ALG5: variants seen among roughly 807,000 people sequenced by gnomAD.
ALG5 encodes the protein ALG5 dolichyl-phosphate beta-glucosyltransferase.
In ALG5, 26 loss-of-function variants were observed where a neutral mutation model predicts 51.8. The ratio of observed to expected loss-of-function variants is 0.50; its 90% CI spans 0.37 to 0.70. ALG5 has a LOEUF of 0.70. ALG5 is among the 30% of genes least tolerant of loss of function. The pLI is 0.00. For missense variants in ALG5, 311 were observed against 399.3 expected, an observed-to-expected ratio of 0.78 and a Z score of 1.88; for synonymous variants, 141 against 136.1, an observed-to-expected ratio of 1.04 and a Z score of -0.25.
Position 36,952,586 on chromosome 13 carries a change from C to G in ALG5, c.787G>C (p.Glu263Gln). The G allele has an allele frequency of 6.4e-7, 1 of 1,570,338 alleles. No individual in the cohort carries two copies. Among genetic ancestry groups the G allele is most frequent in the Non-Finnish European group, 8.6e-7 (1 of 1,162,468 alleles). Residue 263 changes from glutamate (E) to glutamine (Q), a missense_variant, in exon 9 of 10, where the codon GAA becomes CAA. Transcript: ENST00000239891. ...LHVERWAFDV[E>Q]LLYIAQFFKI... Reference sequence around the variant, plus strand: ...AAGAACTGTGCTATGTACAGTAGTTCTACATCAAATGCCCTAAAATAGAAA... The same window carrying G: ...AAGAACTGTGCTATGTACAGTAGTTGTACATCAAATGCCCTAAAATAGAAA...
At chr13:36,975,444 G>C (rs964244374) in intron 6 of ALG5, among the ~76,000 whole-genome samples, 1 of 152,188 alleles carries the variant, frequency 6.6e-6, no homozygotes. Flanking sequence ...TCAGAGGCTT[G>C]ATAAGATTCA....
chr13:36,994,986 T>C lies in ALG5; in HGVS notation c.285+3A>G. Reference sequence around the variant, plus strand: ...TATCATATTAAAAGAGAAAACATGATACCTGTCTCTTCTCTAGATAGCTCA... The same window carrying C: ...TATCATATTAAAAGAGAAAACATGACACCTGTCTCTTCTCTAGATAGCTCA... On this transcript the variant is annotated splice_donor_region_variant and intron_variant, in intron 3 of 9. Transcript: ENST00000239891. The C allele has an allele frequency of 6.2e-7, 1 of 1,611,790 alleles. No homozygotes were observed.
In ALG5 at chr13:36,985,290, T is replaced by G. The variant is rs905974166; in HGVS notation, c.561+337A>C. On this transcript the variant is annotated intron_variant, in intron 6 of 9. Transcript: ENST00000239891. ...AAAAACTGGATTCTGTGATCCAGCT[T>G]CATTTCACATCTTTACCTGGAATTC... Among the ~76,000 whole-genome samples, 3 of 152,286 alleles carry G rather than the reference T, an allele frequency of 2.0e-5. No homozygotes were observed. The Middle Eastern group carries it at 0.01, about 518-fold the overall frequency.
intron 1 of ALG5, among the ~76,000 whole-genome samples, chr13:36,996,134 G>A (rs1457699101): frequency 1.3e-5 from 2 of 152,164 alleles, no homozygotes; most frequent in Admixed American, 6.6e-5. Context: ...GACCAACAAT[G>A]TTTAAGAATA....
chr13:36,980,565 C>T (rs1056798825), intron 6 of ALG5, among the ~76,000 whole-genome samples: 9 of 151,954 alleles, frequency 5.9e-5, no homozygotes, highest in African/African-American at 2.2e-4. Context: ...AAAAAACAAG[C>T]ATATTTTTAA....
At chr13:36,963,603 T>C (rs958823392) in intron 8 of ALG5, among the ~76,000 whole-genome samples, 1 of 152,200 alleles carries the variant, frequency 6.6e-6, no homozygotes, top group African/African-American at 2.4e-5. Context: ...TATGAGTTTA[T>C]TTTATTTTTC....
chr13:36,965,263 C>T (rs1335133621), intron 8 of ALG5, among the ~76,000 whole-genome samples: 1 of 151,844 alleles, frequency 6.6e-6, no homozygotes, highest in Non-Finnish European at 1.5e-5. Flanking sequence ...AAATGGGTGC[C>T]CTATTCTGTT....
At chr13:36,994,085 T>TAAAAA (rs2059037875) in intron 3 of ALG5, among the ~76,000 whole-genome samples, 1 of 152,198 alleles carries the variant, frequency 6.6e-6, no homozygotes, top group South Asian at 2.1e-4. Context: ...CTTAACTTTT[T>TAAAAA]GGGCCTATTT....
At chr13:36,992,816 G>A (rs938762844) in intron 4 of ALG5, among the ~76,000 whole-genome samples, 5 of 152,138 alleles carry the variant, frequency 3.3e-5, no homozygotes, top group Non-Finnish European at 7.3e-5. Flanking sequence ...TTAACTTAGC[G>A]AAAACTGGTT....
intron 6 of ALG5, among the ~76,000 whole-genome samples, chr13:36,981,775 A>G (rs1322521185): frequency 1.3e-5 from 2 of 152,206 alleles, no homozygotes; most frequent in African/African-American, 4.8e-5. Context: ...ATAAGAAAAA[A>G]ATATGCTATG....
At chr13:36,951,946 G>A (rs1026030347) in intron 9 of ALG5, among the ~76,000 whole-genome samples, 2 of 152,068 alleles carry the variant, frequency 1.3e-5, no homozygotes, top group Non-Finnish European at 2.9e-5. Context: ...CACCACGCCC[G>A]GCCATCTTTT....
intron 6 of ALG5, among the ~76,000 whole-genome samples, chr13:36,981,691 CA>C (rs1268150997): frequency 6.6e-6 from 1 of 152,148 alleles, no homozygotes; most frequent in African/African-American, 2.4e-5. Context: ...AAAGAGTTGG[CA>C]ATACCTGTAC....
At chr13:36,993,206 C>A (rs1312632093) in intron 4 of ALG5, among the ~76,000 whole-genome samples, 1 of 152,242 alleles carries the variant, frequency 6.6e-6, no homozygotes, top group Non-Finnish European at 1.5e-5. Context: ...GCTCTCTGTG[C>A]ATGTGAAAGG....
chr13:36,998,416 C>T (rs1229769582), intron 1 of ALG5, among the ~76,000 whole-genome samples: 1 of 152,158 alleles, frequency 6.6e-6, no homozygotes, highest in African/African-American at 2.4e-5. Context: ...CCTGGCAGTG[C>T]TGTCTAGGTG....
chr13:36,992,763 C>T (rs968915275), intron 4 of ALG5, among the ~76,000 whole-genome samples: 1 of 152,232 alleles, frequency 6.6e-6, no homozygotes, highest in Non-Finnish European at 1.5e-5. Context: ...ATTTTCCTCA[C>T]ACCCCTCAGA....
intron 6 of ALG5, among the ~76,000 whole-genome samples, chr13:36,981,893 C>T (rs1057057706): frequency 6.6e-6 from 1 of 152,168 alleles, no homozygotes; most frequent in African/African-American, 2.4e-5. Flanking sequence ...TAGAGACCAT[C>T]CTGGCTAACA....
chr13:36,972,819 C>CTG (rs1197685156), intron 6 of ALG5, among the ~76,000 whole-genome samples: 54 of 151,958 alleles, frequency 3.6e-4, no homozygotes, highest in African/African-American at 1.3e-3. Flanking sequence ...AGCGAAACCC[C>CTG]GTCTCTACTA....
intron 8 of ALG5, 70 bp from the exon 9 acceptor site, chr13:36,952,669 A>G: frequency 2.1e-6 from 2 of 930,930 alleles, no homozygotes; most frequent in Non-Finnish European, 3.1e-6. Context: ...CTACCTTGGC[A>G]TGTTTTAAAG....
At chr13:36,950,416 C>A (rs2058813112) in intron 9 of ALG5, among the ~76,000 whole-genome samples, 1 of 152,054 alleles carries the variant, frequency 6.6e-6, no homozygotes. Context: ...ACTAAAGATA[C>A]AGCACAACAG....
Sources: gnomAD v4.1 joint callset for allele counts (sites outside exome capture counted in the v4.1 genomes callset) on GRCh38, gnomAD v4.1.1 for gene constraint, MANE v1.5 for transcripts, NCBI Gene and HGNC (gene_info 2026-07-23, HGNC 2026-07-21) for gene names.